The following THSD7B variants were observed in gnomAD, a reference collection of about 807,000 sequenced individuals.
THSD7B encodes the protein thrombospondin type-1 domain-containing protein 7B.
A neutral mutation model predicts 213.6 loss-of-function variants in THSD7B; 138 were observed. That is an observed-to-expected ratio of 0.65 (90% CI 0.56 to 0.74). The LOEUF (loss-of-function observed/expected upper bound fraction) is 0.74, where lower values mean the gene tolerates loss of function less well. THSD7B is among the 30% of genes least tolerant of loss of function. The probability of loss-of-function intolerance (pLI) is 0.00; values close to 1 mark genes in which losing one functional copy is unlikely to be tolerated. For missense variants in THSD7B, 1,931 were observed against 1,991.5 expected (o/e 0.97, Z 0.58); for synonymous variants, 742 against 687.0 (o/e 1.08, Z -1.25).
chr2:137,334,169 T>TC (rs1684582666), intron 12 of THSD7B, among the ~76,000 whole-genome samples: 1 of 57,002 alleles, frequency 1.8e-5, no homozygotes, highest in African/African-American at 4.5e-5. Flanking sequence ...TCTTTCTCTC[T>TC]TTCTCTCTCT....
chr2:136,972,776 C>A (rs1171336040), intron 2 of THSD7B, among the ~76,000 whole-genome samples: 1 of 152,162 alleles, frequency 6.6e-6, no homozygotes, highest in East Asian at 1.9e-4. Flanking sequence ...ATATGAATCA[C>A]ATGGAGAGAT....
chr2:137,357,436 C>T (rs1053934780), intron 12 of THSD7B, among the ~76,000 whole-genome samples: 2 of 151,956 alleles, frequency 1.3e-5, no homozygotes, highest in Non-Finnish European at 2.9e-5. Flanking sequence ...TGTTTGTTTA[C>T]AAACTGAGAT....
At chr2:137,200,352 C>T (rs1680849996) in intron 7 of THSD7B, among the ~76,000 whole-genome samples, 1 of 152,076 alleles carries the variant, frequency 6.6e-6, no homozygotes, top group African/African-American at 2.4e-5. Context: ...GCATTATATA[C>T]ATACAATTTA....
intron 6 of THSD7B, among the ~76,000 whole-genome samples, chr2:137,163,544 G>A (rs569029789): frequency 5.9e-5 from 9 of 152,170 alleles, no homozygotes; most frequent in African/African-American, 1.7e-4. Context: ...AAGGAGCACC[G>A]TGGAGAACCA....
At chr2:137,667,313 T>C (rs1430229485) in intron 26 of THSD7B, among the ~76,000 whole-genome samples, 6 of 151,636 alleles carry the variant, frequency 4.0e-5, no homozygotes, top group Admixed American at 1.3e-4. Context: ...TTTCCACCTA[T>C]GCTTATGACT....
At chr2:137,562,629 T>TGTGTGTGC (rs1681145228) in intron 15 of THSD7B, among the ~76,000 whole-genome samples, 1 of 151,622 alleles carries the variant, frequency 6.6e-6, no homozygotes, top group Non-Finnish European at 1.5e-5. Context: ...TGTGTGTGTG[T>TGTGTGTGC]GTATCTGTTT....
chr2:137,466,104 TAA>T (rs1687985950), intron 15 of THSD7B, among the ~76,000 whole-genome samples: 1 of 152,186 alleles, frequency 6.6e-6, no homozygotes. Flanking sequence ...TAAAATGATA[TAA>T]GTTTATAATA....
intron 12 of THSD7B, among the ~76,000 whole-genome samples, chr2:137,323,169 A>G (rs1684297749): frequency 6.6e-6 from 1 of 152,260 alleles, no homozygotes; most frequent in South Asian, 2.1e-4. Context: ...AAAACTGATC[A>G]GAAATGACGG....
chr2:137,327,409 G>C (rs550104926), intron 12 of THSD7B, among the ~76,000 whole-genome samples: 1 of 152,122 alleles, frequency 6.6e-6, no homozygotes, highest in African/African-American at 2.4e-5. Context: ...TAGAAATTCA[G>C]TATTGTTTTA....
intron 11 of THSD7B, among the ~76,000 whole-genome samples, chr2:137,273,007 C>T (rs1429237473): frequency 1.4e-5 from 2 of 141,684 alleles, no homozygotes; most frequent in South Asian, 2.4e-4. Context: ...ATACACACCA[C>T]ACACACGGGA....
chr2:136,861,097 A>G (rs1011098690), intron 1 of THSD7B, among the ~76,000 whole-genome samples: 2 of 152,242 alleles, frequency 1.3e-5, no homozygotes, highest in African/African-American at 4.8e-5. Context: ...GTATTGGAAA[A>G]TTAATTTACC....
chr2:137,605,289 G>T (rs904601174), intron 17 of THSD7B, among the ~76,000 whole-genome samples: 1 of 152,122 alleles, frequency 6.6e-6, no homozygotes, highest in Non-Finnish European at 1.5e-5. Flanking sequence ...TTTCATGTCT[G>T]TATACTCCTT....
intron 15 of THSD7B, among the ~76,000 whole-genome samples, chr2:137,558,143 A>G (rs1191237353): frequency 6.6e-6 from 1 of 152,192 alleles, no homozygotes; most frequent in Non-Finnish European, 1.5e-5. Context: ...TACAAGGAGG[A>G]GCTGGTACCA....
intron 12 of THSD7B, among the ~76,000 whole-genome samples, chr2:137,346,033 T>C (rs1282950575): frequency 2.0e-5 from 3 of 151,626 alleles, no homozygotes; most frequent in Non-Finnish European, 1.5e-5. Flanking sequence ...TATTGGCTGC[T>C]TCAGGGCCTC....
intron 15 of THSD7B, among the ~76,000 whole-genome samples, chr2:137,552,824 G>T (rs967607492): frequency 6.6e-6 from 1 of 152,284 alleles, no homozygotes; most frequent in Non-Finnish European, 1.5e-5. Flanking sequence ...ATAAGAAAAG[G>T]GTCAGAATGT....
At chr2:137,044,571 T>C (rs1000176727) in intron 2 of THSD7B, among the ~76,000 whole-genome samples, 1 of 152,178 alleles carries the variant, frequency 6.6e-6, no homozygotes, top group Non-Finnish European at 1.5e-5. Flanking sequence ...ATTATGTTTT[T>C]TCCTATATAC....
chr2:137,655,436 C>A, intron 21 of THSD7B, 65 bp from the exon 22 acceptor site: 1 of 1,504,424 alleles, frequency 6.6e-7, no homozygotes, highest in Non-Finnish European at 8.9e-7. Context: ...CAAGAGGTGG[C>A]AAGAGCCAAA....
chr2:137,624,023 C>T (rs553540406), intron 20 of THSD7B, among the ~76,000 whole-genome samples: 2 of 152,326 alleles, frequency 1.3e-5, no homozygotes, highest in African/African-American at 4.8e-5. Flanking sequence ...ATTGCCAAGA[C>T]AATCCTAAGC....
chr2:136,776,001 C>T (rs1447023736), intron 1 of THSD7B, among the ~76,000 whole-genome samples: 2 of 152,068 alleles, frequency 1.3e-5, no homozygotes, highest in Non-Finnish European at 2.9e-5. Context: ...GTACTGGTTG[C>T]CTGTAGTGTG....
Sources: allele counts gnomAD v4.1 joint callset (sites outside exome capture counted in the v4.1 genomes callset), GRCh38; gene constraint gnomAD v4.1.1; transcripts MANE v1.5; gene names NCBI Gene and HGNC (gene_info 2026-07-23, HGNC 2026-07-21).